Variants in NEDD1 observed in about 807,000 individuals in gnomAD.
NEDD1 encodes NEDD1 gamma-tubulin ring complex targeting factor.
Under a neutral mutation model 74.0 loss-of-function variants are expected in NEDD1, and 33 were observed. The observed-to-expected ratio is 0.45, with a 90% CI of 0.34 to 0.60. The LOEUF is 0.60. Ranked by LOEUF, NEDD1 falls within the 20% of genes least tolerant of loss-of-function variation. The probability of loss-of-function intolerance (pLI) is 0.01; values close to 1 mark genes in which losing one functional copy is unlikely to be tolerated. For missense variants in NEDD1, 746 were observed against 776.5 expected (o/e 0.96, Z 0.47); for synonymous variants, 250 against 264.4 (o/e 0.95, Z 0.53).
chr12:96,917,811 T>C, intron 5 of NEDD1, 74 bp downstream of exon 5: 1 of 1,426,568 alleles, frequency 7.0e-7, no homozygotes, highest in Non-Finnish European at 9.3e-7. Context: ...CAAGCTTTTA[T>C]TTTTGAGCTT....
chr12:96,919,312 C>G (rs746454363), intron 5 of NEDD1, among the ~76,000 whole-genome samples: 1 of 151,906 alleles, frequency 6.6e-6, no homozygotes, highest in Non-Finnish European at 1.5e-5. Context: ...TTAGCAGTTA[C>G]GTGAGCTTGC....
At chr12:96,913,970 A>G (rs1592858816) in intron 4 of NEDD1, among the ~76,000 whole-genome samples, 2 of 152,204 alleles carry the variant, frequency 1.3e-5, no homozygotes, top group Admixed American at 1.3e-4. Flanking sequence ...ATTTTTATCA[A>G]TCCTCTCCTA....
chr12:96,914,940 T>C (rs1437693423), intron 4 of NEDD1, among the ~76,000 whole-genome samples: 1 of 152,218 alleles, frequency 6.6e-6, no homozygotes, highest in African/African-American at 2.4e-5. Context: ...GTAGTTGTTG[T>C]GATGATTGGA....
intron 6 of NEDD1, among the ~76,000 whole-genome samples, chr12:96,926,853 G>C (rs952275849): frequency 6.6e-6 from 1 of 151,850 alleles, no homozygotes; most frequent in African/African-American, 2.4e-5. Context: ...CAGGTGTGGT[G>C]GTGCGCGCCT....
chr12:96,917,766 A>G (rs768682129), intron 5 of NEDD1, 29 bp downstream of exon 5: 5 of 1,536,364 alleles, frequency 3.3e-6, no homozygotes, highest in East Asian at 2.4e-5. Context: ...ATCTTCATGA[A>G]AAAATGGATA....
Position 96,944,641 on chromosome 12 carries a change from A to G in NEDD1, c.1500A>G (p.Leu500=). The G allele has an allele frequency of 6.4e-7, 1 of 1,570,870 alleles. No homozygotes were observed. The highest frequency in any genetic ancestry group is 8.7e-7 in the Non-Finnish European group (1 of 1,149,860). The change falls in exon 13 of 16, where the codon TTA becomes TTG. Residue 500 remains leucine, a splice_region_variant and synonymous_variant. Transcript: ENST00000266742. The stretch of plus-strand genomic sequence containing the variant: ...CATTATTTATTTTAAATATAAAGTT[A>G]GCAAAGTTGGTCACATCTGGTGCTG... ...KQESKDSFKQ[L]AKLVTSGAES...
intron 15 of NEDD1, 67 bp downstream of exon 15, chr12:96,951,565 C>T: frequency 1.2e-6 from 1 of 823,990 alleles, no homozygotes; most frequent in Non-Finnish European, 2.0e-6. Context: ...TTTAAAAATC[C>T]ATGAAAGGTA....
intron 4 of NEDD1, among the ~76,000 whole-genome samples, chr12:96,914,490 A>G (rs1250340474): frequency 1.3e-5 from 2 of 152,202 alleles, no homozygotes; most frequent in Admixed American, 6.5e-5. Context: ...GTTGAGTTCA[A>G]ATTTTCAATC....
chr12:96,937,443 T>G (rs1877245875), intron 9 of NEDD1, 50 bp downstream of exon 9: 2 of 999,632 alleles, frequency 2.0e-6, no homozygotes, highest in Non-Finnish European at 2.7e-6. Context: ...TTTTTTTTGT[T>G]TTTTTGTTTT....
At chr12:96,910,042 A>G in intron 3 of NEDD1, 147 bp downstream of exon 3, 1 of 858,368 alleles carries the variant, frequency 1.2e-6, no homozygotes, top group South Asian at 2.7e-5. Flanking sequence ...TAAAATAGTA[A>G]TTTACAAAAC....
chr12:96,942,866 A>G (rs943498658), intron 11 of NEDD1, among the ~76,000 whole-genome samples: 3 of 151,590 alleles, frequency 2.0e-5, no homozygotes, highest in Non-Finnish European at 4.4e-5. Context: ...TGGGCAGGGA[A>G]CTGTTTCCAA....
In NEDD1 at chr12:96,953,675, G is replaced by T. The variant is rs1047563677; in HGVS notation, c.*1622G>T. On this transcript the variant is annotated 3_prime_UTR_variant, in exon 16 of 16. Transcript: ENST00000266742. ...GCTAAGTAAGTATAAAAAATAAAAT[G>T]TTATATGCAAAAAATAGGAAACATG... 6.6e-6 allele frequency: 1 copy of T among 151,736 alleles called. No homozygotes were observed. Among genetic ancestry groups the T allele is most frequent in the African/African-American group, 2.4e-5 (1 of 41,386 alleles). 9.4% of individuals were successfully genotyped at this position (151,736 alleles called of 1,614,324 possible).
At chr12:96,947,592 G>A (rs1389012399) in intron 14 of NEDD1, among the ~76,000 whole-genome samples, 1 of 152,200 alleles carries the variant, frequency 6.6e-6, no homozygotes, top group Non-Finnish European at 1.5e-5. Context: ...TTGGGTGTCA[G>A]TTCACCACTG....
In NEDD1 at chr12:96,940,403, T is replaced by G; in HGVS notation, c.1118-6T>G. 6.4e-7 allele frequency: 1 copy of G among 1,559,752 alleles called. No individual in the cohort carries two copies. The highest frequency in any genetic ancestry group is 8.8e-7 in the Non-Finnish European group (1 of 1,139,268). ...AACATTGATTTTTATATCTAATTCC[T>G]ATAAGGTTTGCCTCGAAGCATAAAC... is the stretch of plus-strand genomic sequence containing the variant. On this transcript the variant is annotated splice_polypyrimidine_tract_variant and splice_region_variant and intron_variant, in intron 9 of 15. Transcript: ENST00000266742.
chr12:96,917,957 A>G (rs895678110), intron 5 of NEDD1, among the ~76,000 whole-genome samples: 1 of 152,052 alleles, frequency 6.6e-6, no homozygotes, highest in Non-Finnish European at 1.5e-5. Flanking sequence ...AACATTTACA[A>G]CTTTTTTCTT....
chr12:96,942,278 C>T (rs1289952735), intron 10 of NEDD1, among the ~76,000 whole-genome samples: 1 of 152,104 alleles, frequency 6.6e-6, no homozygotes, highest in African/African-American at 2.4e-5. Flanking sequence ...ATAGGCAGAA[C>T]TGGATTATAG....
intron 6 of NEDD1, among the ~76,000 whole-genome samples, chr12:96,928,953 G>A (rs1164744461): frequency 2.6e-5 from 4 of 151,964 alleles, no homozygotes; most frequent in African/African-American, 7.2e-5. Flanking sequence ...GCCTCCCAAA[G>A]TGCTGGGATT....
chr12:96,945,613 C>A, intron 13 of NEDD1, 80 bp from the exon 14 acceptor site: 1 of 871,986 alleles, frequency 1.1e-6, no homozygotes, highest in Non-Finnish European at 1.8e-6. Context: ...CAAGTTTGCA[C>A]ATGCCAAATC....
intron 5 of NEDD1, among the ~76,000 whole-genome samples, chr12:96,919,715 A>G (rs1327775326): frequency 1.3e-5 from 2 of 152,208 alleles, no homozygotes; most frequent in African/African-American, 4.8e-5. Context: ...AAAATAGTCA[A>G]CTTGCAATAC....
Sources: gnomAD v4.1 joint callset for allele counts (sites outside exome capture counted in the v4.1 genomes callset) on GRCh38, gnomAD v4.1.1 for gene constraint, MANE v1.5 for transcripts, NCBI Gene and HGNC (gene_info 2026-07-23, HGNC 2026-07-21) for gene names.